NFKBID: variants seen among roughly 807,000 people sequenced by gnomAD.
NFKBID encodes the protein NF-kappa-B inhibitor delta.
Under a neutral mutation model 53.4 loss-of-function variants are expected in NFKBID, and 26 were observed. That is an observed-to-expected ratio of 0.49 (90% CI 0.36 to 0.68). The LOEUF is 0.68. Ranked by LOEUF, NFKBID falls within the 30% of genes least tolerant of loss-of-function variation. The probability of loss-of-function intolerance (pLI) is 0.00; values close to 1 mark genes in which losing one functional copy is unlikely to be tolerated. For missense variants in NFKBID, 493 were observed against 614.1 expected, an observed-to-expected ratio of 0.80 and a Z score of 2.08; for synonymous variants, 262 against 259.8, an observed-to-expected ratio of 1.01 and a Z score of -0.08.
chr19:35,897,222 A>G, intron 4 of NFKBID, 164 bp from the exon 5 acceptor site: 1 of 689,610 alleles, frequency 1.5e-6, no homozygotes, highest in Non-Finnish European at 2.3e-6. Flanking sequence ...GTGACCTTGG[A>G]CCTTTAGGCC....
In NFKBID at chr19:35,890,122, C is replaced by T; in HGVS notation, c.1150-68G>A. 4.1e-6 allele frequency: 6 copies of T among 1,456,234 alleles called. No homozygotes were observed. In the South Asian group the frequency reaches 7.3e-5, roughly 18 times the overall value. 90.2% of individuals were successfully genotyped at this position (1,456,234 alleles called of 1,614,324 possible). On this transcript the variant is annotated intron_variant, in intron 10 of 11. Transcript: ENST00000641389. ...TGGCCCAGGCCTCTAAACTGCACTTCAATTTCTGCCTTGTCTACGTCCTAC... is the reference window on the plus strand; with the variant it reads ...TGGCCCAGGCCTCTAAACTGCACTTTAATTTCTGCCTTGTCTACGTCCTAC...
chr19:35,897,926 G>C, intron 3 of NFKBID, 70 bp from the exon 4 acceptor site: 2 of 1,074,150 alleles, frequency 1.9e-6, no homozygotes, highest in Non-Finnish European at 2.7e-6. Flanking sequence ...CAGGGCTAGA[G>C]GGCCTGGCGT....
chr19:35,892,678 A>C (rs552079949), intron 9 of NFKBID, among the ~76,000 whole-genome samples: 6 of 152,150 alleles, frequency 3.9e-5, no homozygotes, highest in Non-Finnish European at 8.8e-5. Flanking sequence ...ATTTCCTCAG[A>C]ATGACCTTCA....
rs1474974396 is a variant in NFKBID at position 35,890,345 on chromosome 19, A to G, written c.1149+29T>C. On this transcript the variant is annotated intron_variant, in intron 10 of 11. Coordinates refer to ENST00000641389, the Ensembl canonical transcript of NFKBID. ...CTGCCCCCCCTACCGTACCCCACAC[A>G]ATCTGCACTTCCCAGCCCCAGCTCC... 3 of 1,481,908 alleles carry G rather than the reference A, an allele frequency of 2.0e-6. No homozygotes were observed. The African/African-American group carries it at 4.2e-5, about 21-fold the overall frequency. The allele number at this position is 1,481,908 out of a possible 1,614,324, so 91.8% of individuals were successfully genotyped here. A position where few individuals can be genotyped will look rare whatever the true frequency, so the allele number is the denominator to read the frequency against.
At chr19:35,892,993 C>T (rs768324848) in intron 9 of NFKBID, among the ~76,000 whole-genome samples, 2 of 152,014 alleles carry the variant, frequency 1.3e-5, no homozygotes, top group Admixed American at 6.6e-5. Flanking sequence ...AGTGAGACCC[C>T]CCCTCTCTAC....
In NFKBID at chr19:35,896,278, A is replaced by G; in HGVS notation, c.832-9T>C. 2 of 1,614,140 alleles carry G rather than the reference A, an allele frequency of 1.2e-6. No individual in the cohort carries two copies. The highest frequency in any genetic ancestry group is 2.2e-5 in the South Asian group (2 of 91,086). On this transcript the variant is annotated splice_polypyrimidine_tract_variant and intron_variant, in intron 7 of 11. Coordinates refer to ENST00000641389, the Ensembl canonical transcript of NFKBID. The surrounding 1 kb of genome is among the most constrained non-coding windows in gnomAD (Gnocchi z 5.7). ...CCAGAGTTAAGCACAGCCTGGGAGG[A>G]AGAGAAGGCAGACTGCTGGGTAAGG...
In NFKBID at chr19:35,895,824, A is replaced by G. The variant is rs1312044167; in HGVS notation, c.1032+156T>C. ...CATCTCAAAACAAACAAAGAAACAA[A>G]CAAAAAACCCCTAAGGCACAGAGAA... On this transcript the variant is annotated intron_variant, in intron 9 of 11. Transcript: ENST00000641389. 3.3e-5 allele frequency among the ~76,000 whole-genome samples: 5 copies of G among 152,142 alleles called. No individual in the cohort carries two copies. In the East Asian group the frequency reaches 9.6e-4, roughly 29 times the overall value.
chr19:35,890,700 C>T (rs1421418870), intron 9 of NFKBID: 2 of 609,468 alleles, frequency 3.3e-6, no homozygotes, highest in Non-Finnish European at 6.1e-6. Flanking sequence ...CTCATCTCTA[C>T]AAAAAATAGA....
At chr19:35,900,664 T>G, upstream of NFKBID, 1 of 1,228,320 alleles carries the variant, frequency 8.1e-7, no homozygotes, top group Non-Finnish European at 1.0e-6. Context: ...AGTCCCTGAA[T>G]GGGCGCGGCG....
At chr19:35,890,437 G>A (rs990573632) in exon 10 of NFKBID, 2 of 1,614,080 alleles carry the variant, frequency 1.2e-6, no homozygotes, top group Non-Finnish European at 1.7e-6. Context: ...GAACCAGAGT[G>A]GGGTTGGCAG....
upstream of NFKBID, chr19:35,901,492 G>A (rs940891952): frequency 1.3e-5 from 2 of 152,214 alleles, no homozygotes; most frequent in Non-Finnish European, 2.9e-5. Context: ...TCCAGTGGGA[G>A]GCCACTCTCA....
chr19:35,891,165 C>T (rs1417060234), intron 9 of NFKBID, among the ~76,000 whole-genome samples: 2 of 152,178 alleles, frequency 1.3e-5, no homozygotes, highest in Non-Finnish European at 2.9e-5. Flanking sequence ...GAGTTGGCAG[C>T]ATTAATCAGT....
exon 1 of NFKBID, chr19:35,900,561 CGA>C: frequency 8.1e-7 from 1 of 1,231,554 alleles, no homozygotes; most frequent in Non-Finnish European, 1.0e-6. Context: ...CCGGTACCCG[CGA>C]GTTTTTAAAC....
At chr19:35,897,136 A>G in intron 4 of NFKBID, 78 bp from the exon 5 acceptor site, 1 of 1,469,406 alleles carries the variant, frequency 6.8e-7, no homozygotes, top group Non-Finnish European at 9.2e-7. Context: ...AGACCCAGTC[A>G]GCTGAGAATT....
chr19:35,895,719 A>G (rs1379919865), intron 9 of NFKBID, among the ~76,000 whole-genome samples: 1 of 152,060 alleles, frequency 6.6e-6, no homozygotes, highest in Non-Finnish European at 1.5e-5. Flanking sequence ...CAGGAGAATC[A>G]CTTGAACCCG....
chr19:35,890,264 A>G, intron 10 of NFKBID, 110 bp downstream of exon 10: 1 of 884,854 alleles, frequency 1.1e-6, no homozygotes, highest in Non-Finnish European at 1.8e-6. Context: ...TTTCCCCTGC[A>G]GATCCCACAC....
intron 10 of NFKBID, 145 bp downstream of exon 10, chr19:35,890,229 G>A (rs1974663954): frequency 3.6e-6 from 3 of 844,308 alleles, no homozygotes; most frequent in African/African-American, 3.4e-5. Context: ...CATGTTCTGG[G>A]GCAATCTGTG....
At chr19:35,902,181 C>G (rs1975583766), upstream of NFKBID, 2 of 702,940 alleles carry the variant, frequency 2.8e-6, no homozygotes, top group Non-Finnish European at 5.2e-6. Flanking sequence ...CCCCGCAAAC[C>G]CACTTCCCTA....
At chr19:35,891,405 G>A (rs529933625) in intron 9 of NFKBID, among the ~76,000 whole-genome samples, 8 of 152,066 alleles carry the variant, frequency 5.3e-5, no homozygotes, top group African/African-American at 1.9e-4. Flanking sequence ...AGAGTGATTT[G>A]AAAAGACGTA....
Sources: gnomAD v4.1 joint callset for allele counts (sites outside exome capture counted in the v4.1 genomes callset) on GRCh38, gnomAD v4.1.1 for gene constraint, Gnocchi (gnomAD v3.1) non-coding constraint, MANE v1.5 for transcripts, NCBI Gene and HGNC (gene_info 2026-07-23, HGNC 2026-07-21) for gene names.